LOC128092252: variants seen among roughly 807,000 people sequenced by gnomAD.
the LOC128092252 span, among the ~76,000 whole-genome samples, chr15:50,658,704 C>T: frequency 6.6e-6 from 1 of 152,136 alleles, no homozygotes; most frequent in African/African-American, 2.4e-5. Flanking sequence ...AACGTTGACT[C>T]TCACACACTA....
chr15:50,662,472 A>T, the LOC128092252 span, among the ~76,000 whole-genome samples: 1 of 152,342 alleles, frequency 6.6e-6, no homozygotes, highest in Admixed American at 6.5e-5. Flanking sequence ...AAAGACACAG[A>T]CACCTATAGT....
At chr15:50,651,869 G>A in the LOC128092252 span, among the ~76,000 whole-genome samples, 53,188 of 151,370 alleles carry the variant, frequency 0.35, 10,499 homozygotes, top group Admixed American at 0.48. Context: ...GCCTGGCGAC[G>A]GAGCAAGATT....
the LOC128092252 span, among the ~76,000 whole-genome samples, chr15:50,651,805 T>C: frequency 6.6e-6 from 1 of 151,806 alleles, no homozygotes; most frequent in Non-Finnish European, 1.5e-5. Context: ...CAGAATTACT[T>C]GAACCCAGGA....
chr15:50,681,264 T>C, the LOC128092252 span, among the ~76,000 whole-genome samples: 12 of 146,906 alleles, frequency 8.2e-5, no homozygotes, highest in South Asian at 6.5e-4. Context: ...AATAAATAAA[T>C]ACACACACAC....
At chr15:50,685,476 G>T in the LOC128092252 span, among the ~76,000 whole-genome samples, 1 of 152,150 alleles carries the variant, frequency 6.6e-6, no homozygotes, top group African/African-American at 2.4e-5. Context: ...AAACAAAAAA[G>T]AATAAGGTGG....
chr15:50,658,776 T>C, the LOC128092252 span, among the ~76,000 whole-genome samples: 1 of 152,200 alleles, frequency 6.6e-6, no homozygotes, highest in Non-Finnish European at 1.5e-5. Flanking sequence ...ATGAAAATTG[T>C]ACAAGGTCGT....
the LOC128092252 span, among the ~76,000 whole-genome samples, chr15:50,679,519 TATATATATATATATATATA>T: frequency 2.8e-4 from 5 of 18,050 alleles, no homozygotes; most frequent in African/African-American, 7.2e-4. Flanking sequence ...ATAATATATA[TATATATATATATATATATA>T]TTTTTTTTTT....
the LOC128092252 span, among the ~76,000 whole-genome samples, chr15:50,668,458 A>G: frequency 6.6e-6 from 1 of 152,070 alleles, no homozygotes; most frequent in South Asian, 2.1e-4. Flanking sequence ...CCATTTCTCA[A>G]TTTGGAGACT....
At chr15:50,652,444 A>G in the LOC128092252 span, among the ~76,000 whole-genome samples, 74 of 151,374 alleles carry the variant, frequency 4.9e-4, no homozygotes, top group Non-Finnish European at 9.0e-4. Context: ...AAATTGATAA[A>G]CTGAAGTCAG....
the LOC128092252 span, chr15:50,663,114 G>A: frequency 8.3e-7 from 1 of 1,204,536 alleles, no homozygotes; most frequent in Non-Finnish European, 1.2e-6. Flanking sequence ...ACAATTTCAT[G>A]ATAAACACAT....
chr15:50,673,767 G>C, the LOC128092252 span, among the ~76,000 whole-genome samples: 1 of 152,014 alleles, frequency 6.6e-6, no homozygotes, highest in Non-Finnish European at 1.5e-5. Flanking sequence ...TTCTTATAAT[G>C]ACTTATTTTC....
At chr15:50,653,359 G>A in the LOC128092252 span, among the ~76,000 whole-genome samples, 1 of 152,176 alleles carries the variant, frequency 6.6e-6, no homozygotes, top group Non-Finnish European at 1.5e-5. Flanking sequence ...AACTAGGAAA[G>A]GAGGAAACTT....
At chr15:50,663,130 G>A in the LOC128092252 span, 2 of 1,048,644 alleles carry the variant, frequency 1.9e-6, no homozygotes, top group South Asian at 1.4e-5. Context: ...CACATAAACA[G>A]TTCTTTTTTT....
chr15:50,678,498 C>A, the LOC128092252 span, among the ~76,000 whole-genome samples: 1 of 94,548 alleles, frequency 1.1e-5, no homozygotes. Flanking sequence ...CTCTCTAGTT[C>A]CATTCTTTAA....
At chr15:50,669,724 A>G in the LOC128092252 span, among the ~76,000 whole-genome samples, 4 of 152,036 alleles carry the variant, frequency 2.6e-5, no homozygotes, top group East Asian at 7.7e-4. Flanking sequence ...TTTTCCTGCA[A>G]TTTAGGCTGA....
At chr15:50,653,898 T>A in the LOC128092252 span, among the ~76,000 whole-genome samples, 56 of 152,218 alleles carry the variant, frequency 3.7e-4, no homozygotes, top group African/African-American at 1.3e-3. Flanking sequence ...CTGGAAGACA[T>A]AGCAGTTTTA....
the LOC128092252 span, among the ~76,000 whole-genome samples, chr15:50,675,229 G>A: frequency 1.6e-4 from 25 of 152,000 alleles, no homozygotes; most frequent in African/African-American, 6.0e-4. Flanking sequence ...TGTAACCTCA[G>A]CTACTCAGAA....
the LOC128092252 span, among the ~76,000 whole-genome samples, chr15:50,651,919 A>G: frequency 1.3e-5 from 2 of 151,904 alleles, no homozygotes; most frequent in Non-Finnish European, 2.9e-5. Flanking sequence ...AAATAAAATA[A>G]TAATTTTCTA....
At chr15:50,685,715 A>G in the LOC128092252 span, among the ~76,000 whole-genome samples, 1 of 152,134 alleles carries the variant, frequency 6.6e-6, no homozygotes, top group East Asian at 1.9e-4. Context: ...TTCTTAAGAA[A>G]TCTTCAAAAT....
Sources: gnomAD v4.1 joint callset for allele counts (sites outside exome capture counted in the v4.1 genomes callset) on GRCh38, gnomAD v4.1.1 for gene constraint, MANE v1.5 for transcripts.